The following LOXHD1 variants were observed in gnomAD, a reference collection of about 807,000 sequenced individuals.
LOXHD1 encodes the protein lipoxygenase homology PLAT domains 1.
LOXHD1 carries 205 observed loss-of-function variants against 248.2 expected under a neutral mutation model. The ratio of observed to expected loss-of-function variants is 0.83; its 90% CI spans 0.74 to 0.93. The LOEUF is 0.93. Ranked by LOEUF, LOXHD1 falls within the 40% of genes least tolerant of loss-of-function variation. The pLI is 0.00. For missense variants in LOXHD1, 2,930 were observed against 2,971.6 expected, an observed-to-expected ratio of 0.99 and a Z score of 0.33; for synonymous variants, 1,113 against 1,162.8, an observed-to-expected ratio of 0.96 and a Z score of 0.87.
rs1213849907 is a variant in LOXHD1, at chr18:46,560,104, C to T, written c.3040G>A (p.Ala1014Thr). 6.5e-7 allele frequency: 1 copy of T among 1,549,762 alleles called. No individual in the cohort carries two copies. The highest frequency in any genetic ancestry group is 1.4e-5 in the African/African-American group (1 of 72,604). The change falls in exon 19 of 41, where the codon GCT becomes ACT. Residue 1014 changes from alanine to threonine, a missense_variant. Coordinates refer to ENST00000642948, the MANE Select transcript of LOXHD1 (RefSeq NM_001384474.1). ...TTACGCTCAGGACCCGGCTTGCCAG[C>T]TGGCACCAACTCCACGACAAGTTCG... Reference protein sequence around the residue: ...DNELVVELVPAGKPGPERNTY... With the variant: ...DNELVVELVPTGKPGPERNTY...
Position 46,555,244 on chromosome 18 carries a change from G to A in LOXHD1, c.3350+2112C>T, listed in dbSNP as rs1003286002. On this transcript the variant is annotated intron_variant, in intron 21 of 40. Coordinates refer to ENST00000642948, the MANE Select transcript of LOXHD1 (RefSeq NM_001384474.1). ...TTGGATTTTCAGAACATCTTAAGAA[G>A]TTAGGCTGGCAACATTAAGCCCATT... 1.7e-4 allele frequency: 78 copies of A among 466,726 alleles called. No individual in the cohort carries two copies. In the Admixed American group the frequency reaches 1.9e-3, roughly 11 times the overall value. The allele number at this position is 466,726 out of a possible 1,614,324, so 28.9% of individuals were successfully genotyped here. A position where few individuals can be genotyped will look rare whatever the true frequency, so the allele number is the denominator to read the frequency against.
intron 29 of LOXHD1, among the ~76,000 whole-genome samples, chr18:46,525,712 G>T (rs1158085095): frequency 6.6e-6 from 1 of 152,164 alleles, no homozygotes; most frequent in Non-Finnish European, 1.5e-5. Flanking sequence ...CCTGAGGAGG[G>T]TGAGAGGGGA....
intron 40 of LOXHD1, among the ~76,000 whole-genome samples, chr18:46,481,932 T>C (rs2032609483): frequency 1.3e-5 from 2 of 152,172 alleles, no homozygotes; most frequent in Non-Finnish European, 2.9e-5. Context: ...GACTATTTTA[T>C]TTTGTTTTGT....
At chr18:46,489,185 T>C in intron 37 of LOXHD1, 43 bp from the exon 38 acceptor site, 1 of 1,546,022 alleles carries the variant, frequency 6.5e-7, no homozygotes, top group Non-Finnish European at 8.8e-7. Context: ...GGATGTGCCT[T>C]CCCTCCCCTT....
At chr18:46,527,876 A>C (rs1397533705) in intron 29 of LOXHD1, among the ~76,000 whole-genome samples, 1 of 152,230 alleles carries the variant, frequency 6.6e-6, no homozygotes, top group Admixed American at 6.5e-5. Flanking sequence ...CTTCAGATGC[A>C]GTAAACTGAA....
At chr18:46,618,656 AC>A (rs1568219396) in intron 4 of LOXHD1, among the ~76,000 whole-genome samples, 1 of 152,188 alleles carries the variant, frequency 6.6e-6, no homozygotes, top group African/African-American at 2.4e-5. Context: ...CCAAGGTGCC[AC>A]CCTGAACCAA....
rs754734860 is a variant in LOXHD1, at chr18:46,491,820, T to A, written c.5879-2678A>T. On this transcript the variant is annotated intron_variant, in intron 37 of 40. Coordinates refer to ENST00000642948, the MANE Select transcript of LOXHD1 (RefSeq NM_001384474.1). ...TCCACATATAATTCATTGCCCCCAC[T>A]GCATGGATGAAGACAACCAGAATAG... is the stretch of plus-strand genomic sequence containing the variant. Among the ~76,000 whole-genome samples, 97 of 152,224 alleles carry A rather than the reference T, an allele frequency of 6.4e-4. 1 individual carries two copies. The highest frequency in any genetic ancestry group is 3.2e-3 in the Middle Eastern group (1 of 316).
At chr18:46,650,959 G>A (rs1307518990) in intron 1 of LOXHD1, among the ~76,000 whole-genome samples, 3 of 152,190 alleles carry the variant, frequency 2.0e-5, no homozygotes, top group Non-Finnish European at 4.4e-5. Context: ...GCATTCTGGG[G>A]ATTAGAGATG....
chr18:46,539,752 A>C (rs867796205), intron 25 of LOXHD1, among the ~76,000 whole-genome samples: 5 of 152,314 alleles, frequency 3.3e-5, no homozygotes, highest in Middle Eastern at 6.8e-3. Flanking sequence ...GCATATGCGT[A>C]TAAATGTGTA....
intron 21 of LOXHD1, chr18:46,556,917 CA>C: frequency 3.0e-6 from 1 of 331,954 alleles, no homozygotes; most frequent in Non-Finnish European, 5.6e-6. Flanking sequence ...CCTCACCCTC[CA>C]ATGTCATCCA....
intron 2 of LOXHD1, among the ~76,000 whole-genome samples, 169 bp downstream of exon 2, chr18:46,648,986 G>A (rs774345502): frequency 3.9e-5 from 6 of 152,194 alleles, no homozygotes; most frequent in Non-Finnish European, 4.4e-5. Context: ...AGGTGCACCG[G>A]GGGATCCCCA....
At chr18:46,516,752 TCATCATCAC>T (rs888268788) in intron 34 of LOXHD1, among the ~76,000 whole-genome samples, 11 of 151,728 alleles carry the variant, frequency 7.2e-5, no homozygotes, top group African/African-American at 2.7e-4. Flanking sequence ...ATCATTATCA[TCATCATCAC>T]CATCATCACA....
intron 40 of LOXHD1, among the ~76,000 whole-genome samples, chr18:46,482,201 G>C (rs778471319): frequency 7.2e-5 from 11 of 152,214 alleles, no homozygotes; most frequent in Admixed American, 1.3e-4. Flanking sequence ...TAGCTCAAGA[G>C]GGAAGTTGCT....
At chr18:46,507,205 A>G (rs1357909700) in intron 36 of LOXHD1, among the ~76,000 whole-genome samples, 1 of 152,212 alleles carries the variant, frequency 6.6e-6, no homozygotes, top group African/African-American at 2.4e-5. Flanking sequence ...AGCATGCCTG[A>G]GGTGCATGAC....
At chr18:46,583,836 G>C (rs1036629971) in intron 12 of LOXHD1, among the ~76,000 whole-genome samples, 4 of 83,198 alleles carry the variant, frequency 4.8e-5, no homozygotes, top group African/African-American at 1.2e-4. Context: ...CCCATTACTG[G>C]GTATATATCC....
chr18:46,567,331 G>A (rs746574662), intron 16 of LOXHD1, among the ~76,000 whole-genome samples: 1 of 152,200 alleles, frequency 6.6e-6, no homozygotes, highest in Non-Finnish European at 1.5e-5. Context: ...CTGTCCATGC[G>A]AGCCTGCTCT....
chr18:46,631,869 A>G (rs2038828868), intron 4 of LOXHD1, among the ~76,000 whole-genome samples: 1 of 152,156 alleles, frequency 6.6e-6, no homozygotes, highest in African/African-American at 2.4e-5. Flanking sequence ...ACAGATTAGC[A>G]CAGGGTGTCT....
At position 46,560,666 on chromosome 18, in the gene LOXHD1, G is replaced by A. The variant is rs2037507280; in HGVS notation, c.2599-121C>T. On this transcript the variant is annotated intron_variant, in intron 18 of 40. Coordinates refer to ENST00000642948, the MANE Select transcript of LOXHD1 (RefSeq NM_001384474.1). ...TTTGCTAAGCTGCAGGATGGAGAGG[G>A]CTGGGGCCTCTGTGCTCAGATCCTT... 25 of 910,786 alleles carry A rather than the reference G, an allele frequency of 2.7e-5. 1 individual carries two copies. In the South Asian group the frequency reaches 4.4e-4, roughly 16 times the overall value. The allele number at this position is 910,786 out of a possible 1,614,324, so 56.4% of individuals were successfully genotyped here. A position where few individuals can be genotyped will look rare whatever the true frequency, so the allele number is the denominator to read the frequency against.
intron 31 of LOXHD1, among the ~76,000 whole-genome samples, chr18:46,522,956 C>CTTT (rs1013550944): frequency 2.8e-5 from 4 of 143,758 alleles, no homozygotes; most frequent in African/African-American, 1.0e-4. Flanking sequence ...TTTTTTTTTT[C>CTTT]TTTTTTTTGA....
Sources: gnomAD v4.1 joint callset for allele counts (sites outside exome capture counted in the v4.1 genomes callset) on GRCh38, gnomAD v4.1.1 for gene constraint, MANE v1.5 for transcripts, NCBI Gene and HGNC (gene_info 2026-07-23, HGNC 2026-07-21) for gene names.